SLC6A16: variants seen among roughly 807,000 people sequenced by gnomAD.
SLC6A16 encodes the protein solute carrier family 6 member 16.
A neutral mutation model predicts 65.4 loss-of-function variants in SLC6A16; 54 were observed. The ratio of observed to expected loss-of-function variants is 0.83; its 90% CI spans 0.66 to 1.04. The LOEUF (loss-of-function observed/expected upper bound fraction) is 1.04. Among genes scored for constraint, SLC6A16 ranks in the 50% least tolerant of loss-of-function variants. The probability of loss-of-function intolerance (pLI) is 0.00; values close to 1 mark genes in which losing one functional copy is unlikely to be tolerated. For missense variants in SLC6A16, 816 were observed against 914.0 expected (o/e 0.89, Z 1.38); for synonymous variants, 330 against 346.5 (o/e 0.95, Z 0.53).
intron 5 of SLC6A16, 58 bp from the exon 6 acceptor site, chr19:49,309,469 T>A: frequency 7.1e-7 from 1 of 1,409,034 alleles, no homozygotes; most frequent in Non-Finnish European, 1.0e-6. Context: ...AACCAACAGT[T>A]AGGAGGGATC....
intron 1 of SLC6A16, among the ~76,000 whole-genome samples, chr19:49,313,343 T>A (rs1447869266): frequency 6.6e-6 from 1 of 152,042 alleles, no homozygotes; most frequent in African/African-American, 2.4e-5. Flanking sequence ...TTAAAAGTTT[T>A]TTTCAAGATG....
chr19:49,323,265 GAAT>G (rs1970744257), intron 1 of SLC6A16, among the ~76,000 whole-genome samples: 1 of 152,002 alleles, frequency 6.6e-6, no homozygotes, highest in Admixed American at 6.6e-5. Flanking sequence ...AAAATTCTTA[GAAT>G]AAAACATACG....
At chr19:49,339,727 C>G in the SLC6A16 span, 2 of 1,400,572 alleles carry the variant, frequency 1.4e-6, no homozygotes, top group Non-Finnish European at 1.8e-6. The surrounding 1 kb of genome is among the most constrained non-coding windows in gnomAD (Gnocchi z 4.5). Context: ...GCCGCACGTG[C>G]CGGGCGCTGG....
chr19:49,299,698 T>C (rs2146091783), intron 7 of SLC6A16, among the ~76,000 whole-genome samples: 1 of 149,436 alleles, frequency 6.7e-6, no homozygotes, highest in Middle Eastern at 3.5e-3. Context: ...AAAAGAAAAG[T>C]AGGGAATTGG....
At chr19:49,339,584 AG>A in the SLC6A16 span, 5 of 1,451,952 alleles carry the variant, frequency 3.4e-6, no homozygotes, top group African/African-American at 7.1e-5. This position sits in a 1 kb window ranked among gnomAD's most constrained non-coding sequence, Gnocchi z 4.5. Flanking sequence ...GCCCAGCTTC[AG>A]GGAGCCCTGA....
chr19:49,337,941 G>A, the SLC6A16 span: 1 of 1,614,080 alleles, frequency 6.2e-7, no homozygotes, highest in Non-Finnish European at 8.5e-7. Flanking sequence ...CGAAGCTTGC[G>A]GGACGTCGTA....
At chr19:49,306,423 C>T (rs1366140828) in intron 7 of SLC6A16, among the ~76,000 whole-genome samples, 1 of 150,340 alleles carries the variant, frequency 6.7e-6, no homozygotes, top group African/African-American at 2.4e-5. Flanking sequence ...TATGAGGGAA[C>T]AAATAACTAA....
the SLC6A16 span, chr19:49,336,807 C>T: frequency 2.4e-6 from 3 of 1,241,104 alleles, no homozygotes; most frequent in Non-Finnish European, 3.4e-6. Context: ...GAGAGAGGGG[C>T]ACCAAGATAC....
At chr19:49,332,279 G>A in the SLC6A16 span, 8 of 456,576 alleles carry the variant, frequency 1.8e-5, no homozygotes, top group East Asian at 1.4e-4. Context: ...CTTGTCAGCC[G>A]GGTGCGGTGG....
At chr19:49,338,198 C>A in the SLC6A16 span, 7 of 1,434,906 alleles carry the variant, frequency 4.9e-6, no homozygotes, top group East Asian at 5.0e-5. The surrounding 1 kb of genome is among the most constrained non-coding windows in gnomAD (Gnocchi z 5.0). Flanking sequence ...CTGTCCCCGG[C>A]GTCGCCTGGT....
chr19:49,335,368 T>C, the SLC6A16 span: 1 of 624,678 alleles, frequency 1.6e-6, no homozygotes, highest in Non-Finnish European at 2.8e-6. The surrounding 1 kb of genome is among the most constrained non-coding windows in gnomAD (Gnocchi z 4.6). Flanking sequence ...CCACCTTACA[T>C]GAAGCGGGAG....
In SLC6A16 at chr19:49,309,673, T is replaced by C. The variant is rs367909942; in HGVS notation, c.854A>G (p.Asn285Ser). 9.2e-5 allele frequency: 149 copies of C among 1,613,840 alleles called. No homozygotes were observed. Among genetic ancestry groups the C allele is most frequent in the African/African-American group, 3.3e-4 (25 of 75,012 alleles). ...CWCLVGAFMI[N>S]GLKSTGKVIY... Reference sequence around the variant, plus strand: ...CACCTTCCCAGTGGACTTGAGCCCATTGATCATGAAAGCACCAACAAGACA... The same window carrying C: ...CACCTTCCCAGTGGACTTGAGCCCACTGATCATGAAAGCACCAACAAGACA... The change falls in exon 5 of 12, where the codon AAT (asparagine) becomes AGT (serine). Residue 285 changes from asparagine to serine, a missense_variant. Asn to Ser is a conservative substitution (Grantham distance 46, BLOSUM62 1). Transcript: ENST00000335875.
chr19:49,315,720 C>T (rs1239628746), intron 1 of SLC6A16, among the ~76,000 whole-genome samples: 2 of 151,480 alleles, frequency 1.3e-5, no homozygotes, highest in African/African-American at 4.9e-5. Flanking sequence ...GAAAAACATA[C>T]AATACAATGA....
At chr19:49,309,203 G>A in intron 6 of SLC6A16, 86 bp from the exon 7 acceptor site, 3 of 1,592,010 alleles carry the variant, frequency 1.9e-6, no homozygotes, top group East Asian at 2.2e-5. Context: ...GAGGAGAGAG[G>A]GAGATACAAA....
intron 1 of SLC6A16, among the ~76,000 whole-genome samples, chr19:49,318,682 T>C (rs185666183): frequency 6.6e-6 from 1 of 152,222 alleles, no homozygotes; most frequent in African/African-American, 2.4e-5. Context: ...ATGAGGAATA[T>C]AAGATAGCTA....
chr19:49,333,424 T>C, the SLC6A16 span, among the ~76,000 whole-genome samples: 1 of 152,112 alleles, frequency 6.6e-6, no homozygotes, highest in Non-Finnish European at 1.5e-5. Context: ...AGTCAGCTGA[T>C]TGCACCACTG....
upstream of SLC6A16, among the ~76,000 whole-genome samples, chr19:49,329,875 C>T (rs534356987): frequency 1.6e-4 from 24 of 151,896 alleles, no homozygotes; most frequent in South Asian, 2.1e-3. Flanking sequence ...ACTCGTGATC[C>T]GCCCGCCTCG....
chr19:49,297,610 CAT>C (rs145369789), intron 7 of SLC6A16, among the ~76,000 whole-genome samples: 2,700 of 152,270 alleles, frequency 0.018, 77 homozygotes, highest in African/African-American at 0.055. Flanking sequence ...GAAATGAAAA[CAT>C]ATGTCCATAC....
At chr19:49,326,199 T>G (rs1387095849), upstream of SLC6A16, among the ~76,000 whole-genome samples, 8 of 151,814 alleles carry the variant, frequency 5.3e-5, no homozygotes, top group African/African-American at 1.9e-4. Flanking sequence ...AAGAAAAAAT[T>G]TGGGGAGAAG....
Sources: gnomAD v4.1 joint callset for allele counts (sites outside exome capture counted in the v4.1 genomes callset) on GRCh38, gnomAD v4.1.1 for gene constraint, Gnocchi (gnomAD v3.1) non-coding constraint, MANE v1.5 for transcripts, NCBI Gene and HGNC (gene_info 2026-07-23, HGNC 2026-07-21) for gene names.